The following MYOF variants were observed in gnomAD, a reference collection of about 807,000 sequenced individuals.
The protein encoded by MYOF is myoferlin, also known as fer-1-like 3, myoferlin.
In MYOF, 244 loss-of-function variants were observed where a neutral mutation model predicts 284.2. The ratio of observed to expected loss-of-function variants is 0.86; its 90% CI spans 0.77 to 0.95. The LOEUF is 0.95. Ranked by LOEUF, MYOF falls within the 40% of genes least tolerant of loss-of-function variation. The pLI, the probability that MYOF is intolerant of heterozygous loss-of-function variation, is 0.00. For missense variants in MYOF, 2,496 were observed against 2,560.6 expected (o/e 0.97, Z 0.54); for synonymous variants, 904 against 919.7 (o/e 0.98, Z 0.31).
At chr10:93,414,387 A>G (rs1848030565) in intron 5 of MYOF, among the ~76,000 whole-genome samples, 1 of 152,006 alleles carries the variant, frequency 6.6e-6, no homozygotes, top group Non-Finnish European at 1.5e-5. Context: ...AAATATTAAA[A>G]AATTAGCCAG....
intron 5 of MYOF, among the ~76,000 whole-genome samples, chr10:93,410,902 T>C (rs1184271891): frequency 6.6e-6 from 1 of 152,238 alleles, no homozygotes; most frequent in Non-Finnish European, 1.5e-5. Flanking sequence ...TCTTGAAATC[T>C]TGGGCTCTGA....
chr10:93,409,871 C>G, intron 5 of MYOF, 132 bp from the exon 6 acceptor site: 1 of 1,104,500 alleles, frequency 9.1e-7, no homozygotes, highest in Non-Finnish European at 1.3e-6. Flanking sequence ...TGAAGGAGAT[C>G]CTCTTGGTGA....
At position 93,474,279 on chromosome 10, in the gene MYOF, G is replaced by A. The variant is rs111416759; in HGVS notation, c.88+7828C>T. Reference sequence around the variant, plus strand: ...TCTGCTGTTCACATTGCGGCCTAGCGGCTCCCCAATGGTTGATGAGTAAAG... The same window carrying A: ...TCTGCTGTTCACATTGCGGCCTAGCAGCTCCCCAATGGTTGATGAGTAAAG... On this transcript the variant is annotated intron_variant, in intron 1 of 53. Coordinates refer to ENST00000359263, the MANE Select transcript of MYOF (RefSeq NM_013451.4). Among the ~76,000 whole-genome samples, 878 of 152,072 alleles carry A rather than the reference G, an allele frequency of 5.8e-3. 3 individuals carry two copies. The highest frequency in any genetic ancestry group is 0.017 in the Admixed American group (261 of 15,282).
At chr10:93,388,991 C>T (rs770662585) in intron 18 of MYOF, 39 bp downstream of exon 18, 2 of 1,602,780 alleles carry the variant, frequency 1.2e-6, no homozygotes, top group Non-Finnish European at 1.7e-6. Context: ...ATCACCTTAA[C>T]CAATGCTGAT....
chr10:93,355,606 T>TAAAC (rs1437628663), intron 31 of MYOF, 22 bp downstream of exon 31: 1 of 1,271,096 alleles, frequency 7.9e-7, no homozygotes, highest in South Asian at 1.3e-5. Context: ...ATAAAATAAA[T>TAAAC]CAAAAATAAA....
chr10:93,480,405 T>A (rs1050911396), intron 1 of MYOF, among the ~76,000 whole-genome samples: 1 of 151,328 alleles, frequency 6.6e-6, no homozygotes, highest in Non-Finnish European at 1.5e-5. Context: ...TTTTTTTAAA[T>A]TTTTTTTAAA....
At chr10:93,332,772 A>G (rs555963217) in intron 43 of MYOF, among the ~76,000 whole-genome samples, 21 of 152,108 alleles carry the variant, frequency 1.4e-4, no homozygotes, top group South Asian at 8.3e-4. Flanking sequence ...GCGTGAACCC[A>G]GGAGGCGGAG....
intron 25 of MYOF, 138 bp downstream of exon 25, chr10:93,369,507 T>A (rs1477761334): frequency 1.6e-6 from 2 of 1,224,334 alleles, no homozygotes; most frequent in East Asian, 2.5e-5. Flanking sequence ...TAGGTTAAGA[T>A]CCCTTCGATG....
chr10:93,406,291 TATATATATATA>T (rs1385531493), intron 7 of MYOF, among the ~76,000 whole-genome samples: 2 of 69,268 alleles, frequency 2.9e-5, no homozygotes, highest in Admixed American at 1.7e-4. Context: ...ACCTCTTTTA[TATATATATATA>T]TATATATATA....
At chr10:93,406,317 T>TATATATATATATATATATATATATATA (rs1554855587) in intron 7 of MYOF, among the ~76,000 whole-genome samples, 133 of 120,288 alleles carry the variant, frequency 1.1e-3, no homozygotes, top group East Asian at 1.9e-3. Context: ...TATATATATA[T>TATATATATATATATATATATATATATA]TTGTTTTTAT....
At chr10:93,446,415 G>A (rs1392618820) in intron 3 of MYOF, among the ~76,000 whole-genome samples, 1 of 152,162 alleles carries the variant, frequency 6.6e-6, no homozygotes, top group Non-Finnish European at 1.5e-5. Context: ...AGCATCACCC[G>A]ATTAATTTCT....
In MYOF at chr10:93,377,401, C is replaced by T. The variant is rs1040265215; in HGVS notation, c.2030G>A (p.Gly677Glu). 1.2e-6 allele frequency: 2 copies of T among 1,613,602 alleles called. No homozygotes were observed. Among genetic ancestry groups the T allele is most frequent in the African/African-American group, 1.3e-5 (1 of 74,850 alleles). Reference sequence around the variant, plus strand: ...GTTTGCAGGAATTTTACCTTGTATCCCTGATTTTAGAGCTTCTATATTTGT... The same window carrying T: ...GTTTGCAGGAATTTTACCTTGTATCTCTGATTTTAGAGCTTCTATATTTGT... ...LQTNIEALKS[G>E]IQGKIPANQL... is the part of the protein sequence containing the mutation. The change falls in exon 22 of 54, where the codon GGG (glycine) becomes GAG (glutamate). Residue 677 changes from glycine (G) to glutamate (E), a missense_variant. Gly to Glu is a moderately conservative substitution (Grantham distance 98, BLOSUM62 -2). Transcript: ENST00000359263.
chr10:93,381,383 C>T lies in MYOF; in HGVS notation c.1712G>A (p.Arg571Lys). 1 of 1,614,172 alleles carries T rather than the reference C, an allele frequency of 6.2e-7. No individual in the cohort carries two copies. The highest frequency in any genetic ancestry group is 1.3e-5 in the African/African-American group (1 of 75,056). The change falls in exon 20 of 54, where the codon AGG becomes AAG. Residue 571 changes from arginine (R) to lysine (K), a missense_variant. Around this residue, in one of 3 missense-constraint regions of MYOF, gnomAD observed 2,436 missense variants for 2,480.7 expected, o/e 0.98. Coordinates refer to ENST00000359263, the MANE Select transcript of MYOF (RefSeq NM_013451.4). ...CACGGCAGACAGGCTGTACTTCCGC[C>T]TTCGCTGGTATTTCTATAAAGTATG... ...DLLVVEKYQR[R>K]RKYSLSAVFH...
At chr10:93,381,194 A>G in intron 20 of MYOF, 25 bp downstream of exon 20, 2 of 1,612,966 alleles carry the variant, frequency 1.2e-6, no homozygotes, top group Non-Finnish European at 1.7e-6. Flanking sequence ...AAACGTGTGG[A>G]GAGAACTGTT....
At chr10:93,357,594 A>G (rs907406753) in intron 29 of MYOF, among the ~76,000 whole-genome samples, 1 of 152,234 alleles carries the variant, frequency 6.6e-6, no homozygotes, top group Non-Finnish European at 1.5e-5. Flanking sequence ...TAAACGTAAA[A>G]CAATGTGGAA....
chr10:93,396,189 G>T lies in MYOF; in HGVS notation c.1370C>A (p.Thr457Lys). 1 of 1,606,766 alleles carries T rather than the reference G, an allele frequency of 6.2e-7. No individual in the cohort carries two copies. The highest frequency in any genetic ancestry group is 1.1e-5 in the South Asian group (1 of 89,552). The part of the protein sequence containing the change: ...RLTKNDVVGT[T>K]YLHLSKIAAS... ...AGCAATTTTAGAGAGGTGTAGATAT[G>T]TTGTTCCAACTACATCATTTTTAGT... is the stretch of plus-strand genomic sequence containing the variant. Residue 457 changes from threonine to lysine, a missense_variant, in exon 16 of 54, where the codon ACA (threonine) becomes AAA (lysine). By Grantham distance (78) the Thr-to-Lys change is moderately conservative. This residue lies in a region of MYOF where 2,436 missense variants were observed against 2,480.7 expected (regional missense o/e 0.98). Transcript: ENST00000359263.
chr10:93,461,731 G>A (rs1589606535), intron 1 of MYOF, among the ~76,000 whole-genome samples: 1 of 152,132 alleles, frequency 6.6e-6, no homozygotes, highest in East Asian at 1.9e-4. Context: ...GGGCTTTGTG[G>A]GAAGGTTATG....
At chr10:93,385,550 T>C (rs1374032119) in intron 19 of MYOF, among the ~76,000 whole-genome samples, 1 of 152,242 alleles carries the variant, frequency 6.6e-6, no homozygotes, top group East Asian at 1.9e-4. Flanking sequence ...ATTCGTTAAG[T>C]CCTTCTGGCA....
At chr10:93,441,106 CT>C (rs2134258169) in intron 3 of MYOF, among the ~76,000 whole-genome samples, 1 of 152,288 alleles carries the variant, frequency 6.6e-6, no homozygotes, top group South Asian at 2.1e-4. Flanking sequence ...TGAGAAGAAC[CT>C]GTTTCAATCC....
Sources: allele counts gnomAD v4.1 joint callset (sites outside exome capture counted in the v4.1 genomes callset), GRCh38; gene constraint gnomAD v4.1.1; regional missense constraint gnomAD v4.1.1; transcripts MANE v1.5; gene names NCBI Gene and HGNC (gene_info 2026-07-23, HGNC 2026-07-21).